EPB41: variants seen among roughly 807,000 people sequenced by gnomAD.
EPB41 encodes protein 4.1.
EPB41 carries 65 observed loss-of-function variants against 108.0 expected under a neutral mutation model. The observed-to-expected ratio is 0.60, with a 90% CI of 0.49 to 0.74. The LOEUF is 0.74. Ranked by LOEUF, EPB41 falls within the 30% of genes least tolerant of loss-of-function variation. The pLI is 0.00. For missense variants in EPB41, 875 were observed against 1,037.0 expected (o/e 0.84, Z 2.15); for synonymous variants, 336 against 358.9 (o/e 0.94, Z 0.72).
At chr1:28,919,256 A>G (rs551412832) in intron 1 of EPB41, among the ~76,000 whole-genome samples, 1 of 152,326 alleles carries the variant, frequency 6.6e-6, no homozygotes, top group Admixed American at 6.5e-5. Context: ...TTGAAAATAA[A>G]TTGGCTAGCT....
At chr1:29,049,606 C>G (rs886862278) in intron 11 of EPB41, among the ~76,000 whole-genome samples, 3 of 152,156 alleles carry the variant, frequency 2.0e-5, no homozygotes, top group Admixed American at 1.3e-4. Flanking sequence ...AAGAACCACC[C>G]TACCGCATAC....
intron 14 of EPB41, among the ~76,000 whole-genome samples, chr1:29,059,111 C>T (rs1646068880): frequency 6.6e-6 from 1 of 152,010 alleles, no homozygotes; most frequent in Non-Finnish European, 1.5e-5. Flanking sequence ...CACGTCTCTA[C>T]TAAAAATACA....
intron 11 of EPB41, among the ~76,000 whole-genome samples, chr1:29,044,598 T>C (rs1309026380): frequency 6.6e-6 from 1 of 152,148 alleles, no homozygotes; most frequent in Non-Finnish European, 1.5e-5. Flanking sequence ...TCCCAGCACT[T>C]TGGGAGGCTG....
At chr1:29,006,234 A>AT (rs34223507) in intron 4 of EPB41, among the ~76,000 whole-genome samples, 39,563 of 130,692 alleles carry the variant, frequency 0.3, 7,204 homozygotes, top group Non-Finnish European at 0.39. Flanking sequence ...ATCCCAAAGA[A>AT]TTTTTTTTTT....
intron 16 of EPB41, among the ~76,000 whole-genome samples, chr1:29,066,260 T>A (rs1381754046): frequency 6.6e-5 from 10 of 151,464 alleles, no homozygotes; most frequent in South Asian, 4.2e-4. Flanking sequence ...CTCTACTAAA[T>A]ATACAAAAAT....
At chr1:29,093,924 G>T (rs542994635) in intron 16 of EPB41, among the ~76,000 whole-genome samples, 57 of 152,232 alleles carry the variant, frequency 3.7e-4, no homozygotes, top group African/African-American at 1.3e-3. Flanking sequence ...ATGTATATTT[G>T]CCAGTTCCTA....
upstream of EPB41, chr1:28,887,123 C>A (rs866395751): frequency 2.4e-6 from 2 of 819,094 alleles, no homozygotes; most frequent in Middle Eastern, 2.8e-4. This position sits in a 1 kb window ranked among gnomAD's most constrained non-coding sequence, Gnocchi z 4.9. Context: ...GAGGCCCCGG[C>A]GGGGCAAAGT....
At chr1:29,074,482 C>T (rs1210793246) in intron 16 of EPB41, among the ~76,000 whole-genome samples, 3 of 152,124 alleles carry the variant, frequency 2.0e-5, no homozygotes, top group Non-Finnish European at 2.9e-5. Context: ...ATTAATAGGC[C>T]ACTCTCATTT....
At chr1:28,925,451 T>A (rs1418706347) in intron 1 of EPB41, among the ~76,000 whole-genome samples, 1 of 152,078 alleles carries the variant, frequency 6.6e-6, no homozygotes, top group African/African-American at 2.4e-5. Context: ...ATAATAAATG[T>A]ATAAATCAGG....
chr1:28,931,896 G>A (rs2093768591), intron 1 of EPB41, among the ~76,000 whole-genome samples: 1 of 152,166 alleles, frequency 6.6e-6, no homozygotes, highest in Admixed American at 6.5e-5. Context: ...CTTTTAGCTT[G>A]GTGGCCTTGG....
chr1:29,106,153 G>A (rs1667080962), intron 17 of EPB41, among the ~76,000 whole-genome samples: 1 of 152,160 alleles, frequency 6.6e-6, no homozygotes, highest in Non-Finnish European at 1.5e-5. Context: ...TTGGTAAGAG[G>A]ATCAAGGAAA....
intron 1 of EPB41, among the ~76,000 whole-genome samples, chr1:28,980,652 G>A (rs1186055793): frequency 3.3e-5 from 5 of 152,030 alleles, no homozygotes; most frequent in African/African-American, 1.2e-4. Flanking sequence ...AGGAAGTTGA[G>A]GTTGAAGTGA....
chr1:29,116,106 C>G (rs1039668120), intron 20 of EPB41, among the ~76,000 whole-genome samples: 6 of 151,472 alleles, frequency 4.0e-5, no homozygotes, highest in Admixed American at 1.3e-4. Context: ...CACCTTCCCC[C>G]TCTCTTCTCT....
At chr1:29,100,962 C>T (rs1360263780) in intron 17 of EPB41, among the ~76,000 whole-genome samples, 15 of 149,980 alleles carry the variant, frequency 1.0e-4, no homozygotes, top group African/African-American at 2.9e-4. Flanking sequence ...CAGTGGCTCA[C>T]GCCTGTAAAC....
intron 1 of EPB41, among the ~76,000 whole-genome samples, chr1:28,939,545 G>A (rs1363128186): frequency 6.6e-6 from 1 of 152,086 alleles, no homozygotes; most frequent in Admixed American, 6.6e-5. Context: ...CCGGGTTCAA[G>A]CGATTCTCCT....
intron 1 of EPB41, among the ~76,000 whole-genome samples, chr1:28,894,457 G>C (rs760590): frequency 0.035 from 5,367 of 152,204 alleles, 331 homozygotes; most frequent in African/African-American, 0.12. Context: ...TGGGGATCAG[G>C]GCTCTGGTAA....
At chr1:29,044,324 T>C (rs1264929251) in intron 11 of EPB41, among the ~76,000 whole-genome samples, 2 of 152,252 alleles carry the variant, frequency 1.3e-5, no homozygotes, top group Non-Finnish European at 2.9e-5. Flanking sequence ...AAATGGAGTT[T>C]CATGGTTATA....
At chr1:28,976,298 T>A (rs111235603) in intron 1 of EPB41, among the ~76,000 whole-genome samples, 64 of 152,310 alleles carry the variant, frequency 4.2e-4, no homozygotes, top group African/African-American at 1.5e-3. Context: ...GAATAATGTG[T>A]GGCATTTAGG....
chr1:29,079,084 C>T (rs190540205), intron 16 of EPB41, among the ~76,000 whole-genome samples: 32 of 152,004 alleles, frequency 2.1e-4, no homozygotes, highest in African/African-American at 7.5e-4. Flanking sequence ...CAACCTCCGC[C>T]TCCCGGGTTA....
Sources: gnomAD v4.1 joint callset for allele counts (sites outside exome capture counted in the v4.1 genomes callset) on GRCh38, gnomAD v4.1.1 for gene constraint, Gnocchi (gnomAD v3.1) non-coding constraint, MANE v1.5 for transcripts, NCBI Gene and HGNC (gene_info 2026-07-23, HGNC 2026-07-21) for gene names.